The following DNMBP variants were observed in gnomAD, a reference collection of about 807,000 sequenced individuals.
DNMBP encodes the protein dynamin binding protein.
Under a neutral mutation model 150.0 loss-of-function variants are expected in DNMBP, and 87 were observed. The observed-to-expected ratio is 0.58, with a 90% CI of 0.49 to 0.69. The LOEUF (loss-of-function observed/expected upper bound fraction) is 0.69. Ranked by LOEUF, DNMBP falls within the 30% of genes least tolerant of loss-of-function variation. DNMBP has a pLI of 0.00. For synonymous variants in DNMBP, 711 were observed against 750.4 expected (o/e 0.95, Z 0.86); for missense variants, 1,774 against 1,949.0 (o/e 0.91, Z 1.69).
intron 4 of DNMBP, among the ~76,000 whole-genome samples, chr10:99,920,726 G>A (rs896009344): frequency 4.6e-5 from 7 of 152,028 alleles, no homozygotes; most frequent in East Asian, 1.9e-4. Context: ...ACAGAGTCTC[G>A]CTGTTGCCCA....
At chr10:99,915,946 C>T (rs1445263996) in intron 4 of DNMBP, among the ~76,000 whole-genome samples, 3 of 151,992 alleles carry the variant, frequency 2.0e-5, no homozygotes, top group Non-Finnish European at 4.4e-5. Context: ...CTCTTTTTTT[C>T]CCAGGAAGGC....
chr10:99,954,773 G>A (rs1188439161), intron 4 of DNMBP, among the ~76,000 whole-genome samples: 13 of 146,482 alleles, frequency 8.9e-5, no homozygotes, highest in African/African-American at 2.3e-4. Flanking sequence ...AAAAGAGGCC[G>A]GGCGTGGTGG....
intron 4 of DNMBP, among the ~76,000 whole-genome samples, chr10:99,937,208 C>T (rs2040243647): frequency 6.6e-6 from 1 of 152,174 alleles, no homozygotes; most frequent in South Asian, 2.1e-4. Context: ...GTGCACCAGA[C>T]CCAAACGAAC....
At chr10:99,964,017 G>A (rs2040590530) in intron 3 of DNMBP, among the ~76,000 whole-genome samples, 1 of 151,986 alleles carries the variant, frequency 6.6e-6, no homozygotes, top group Admixed American at 6.6e-5. Context: ...GCAGGTTATA[G>A]GCAAGGGATG....
At chr10:99,897,382 A>C (rs2039670891) in intron 9 of DNMBP, among the ~76,000 whole-genome samples, 1 of 152,298 alleles carries the variant, frequency 6.6e-6, no homozygotes, top group South Asian at 2.1e-4. Context: ...TTTCTAAAAG[A>C]CAAGAAGTCC....
intron 5 of DNMBP, among the ~76,000 whole-genome samples, chr10:99,908,486 T>C (rs1307039878): frequency 3.3e-5 from 5 of 152,226 alleles, no homozygotes; most frequent in Admixed American, 3.3e-4. Flanking sequence ...CAACAAGGAC[T>C]ATAAACCCCA....
At chr10:99,973,666 T>C (rs1253249444) in intron 1 of DNMBP, among the ~76,000 whole-genome samples, 1 of 152,200 alleles carries the variant, frequency 6.6e-6, no homozygotes, top group Admixed American at 6.5e-5. Flanking sequence ...AGCAGAACTA[T>C]GCCTCAAAGG....
chr10:99,981,948 C>T (rs1279793115), intron 1 of DNMBP, among the ~76,000 whole-genome samples: 2 of 152,202 alleles, frequency 1.3e-5, no homozygotes, highest in African/African-American at 4.8e-5. Context: ...ATTCCATCCC[C>T]CACCTCTTCA....
Position 99,880,166 on chromosome 10 carries a change from G to A in DNMBP, c.4193C>T (p.Ser1398Phe). The change falls in exon 16 of 17, where the codon TCT (serine) becomes TTT (phenylalanine). Residue 1398 changes from serine (S) to phenylalanine (F), a missense_variant. By Grantham distance (155) the Ser-to-Phe change is radical. This residue lies in a region of DNMBP where 1,430 missense variants were observed against 1,492.5 expected (regional missense o/e 0.96). Transcript: ENST00000324109. ...TGCATCTTGAGGCTGCTTCTGGCAA[G>A]ACCCCGAGGTAAAGGATACAGCCAT... ...SSMAVSFTSG[S>F]CQKQPQDASP... The A allele has an allele frequency of 1.2e-6, 2 of 1,614,174 alleles. No individual in the cohort carries two copies. Among genetic ancestry groups the A allele is most frequent in the Non-Finnish European group, 8.5e-7 (1 of 1,180,038 alleles).
chr10:99,997,528 T>C (rs1029967059), intron 1 of DNMBP, among the ~76,000 whole-genome samples: 1 of 152,082 alleles, frequency 6.6e-6, no homozygotes, highest in Admixed American at 6.5e-5. Context: ...AAAGGGTAAG[T>C]TAACTCACTA....
At chr10:99,904,417 C>G (rs1270094647) in intron 6 of DNMBP, among the ~76,000 whole-genome samples, 2 of 152,114 alleles carry the variant, frequency 1.3e-5, no homozygotes, top group Non-Finnish European at 2.9e-5. Context: ...TCTCCCAGTG[C>G]TGCTTGATCA....
rs1460614852 is a variant in DNMBP, at chr10:99,891,171, T to TCCCTCC, written c.3157-2224_3157-2219dup. Among the ~76,000 whole-genome samples, 129 of 138,626 alleles carry TCCCTCC rather than the reference T, an allele frequency of 9.3e-4. 2 individuals carry two copies. Among genetic ancestry groups the TCCCTCC allele is most frequent in the East Asian group, 1.7e-3 (7 of 4,108 alleles). 90.9% of individuals were successfully genotyped at this position (138,626 alleles called of 152,430 possible). A position where few individuals can be genotyped will look rare whatever the true frequency, so the allele number is the denominator to read the frequency against. On this transcript the variant is annotated intron_variant, in intron 11 of 16. Coordinates refer to ENST00000324109, the MANE Select transcript of DNMBP (RefSeq NM_015221.4). ...AGAACTCCCTCTCCCTCTCCCCCTC[T>TCCCTCC]CCCTCCCCCTCTCCCTCTCCCCACC...
intron 6 of DNMBP, among the ~76,000 whole-genome samples, chr10:99,900,325 G>C (rs2039720532): frequency 1.3e-5 from 2 of 152,234 alleles, no homozygotes; most frequent in Admixed American, 6.5e-5. Flanking sequence ...TGTCACCCAG[G>C]CTGGAGTGCA....
chr10:99,995,206 T>C (rs1207294820), intron 1 of DNMBP, among the ~76,000 whole-genome samples: 1 of 151,948 alleles, frequency 6.6e-6, no homozygotes, highest in East Asian at 1.9e-4. Context: ...ACGTGGGCCA[T>C]CACGCTCAGC....
intron 2 of DNMBP, among the ~76,000 whole-genome samples, chr10:99,971,050 A>T (rs1281180722): frequency 2.7e-5 from 4 of 149,070 alleles, no homozygotes; most frequent in African/African-American, 9.8e-5. Flanking sequence ...ACATGTTTTG[A>T]GAAGAGGAAT....
chr10:99,885,832 A>G lies in DNMBP; in HGVS notation c.3653T>C (p.Ile1218Thr). 3.1e-6 allele frequency: 5 copies of G among 1,613,372 alleles called. No homozygotes were observed. The highest frequency in any genetic ancestry group is 2.2e-5 in the East Asian group (1 of 44,884). ...GCTGTGCTCTTCGTGGAAGATGGCA[A>G]TAAGGTTTCCCTCTCTGCCAGCCAC... ...LKVAGREGNL[I>T]AIFHEEHSRV... Residue 1218 changes from isoleucine (I) to threonine (T), a missense_variant, in exon 14 of 17, where the codon ATT becomes ACT. Ile to Thr is a moderately conservative substitution (Grantham distance 89, BLOSUM62 -1). Coordinates refer to ENST00000324109, the MANE Select transcript of DNMBP (RefSeq NM_015221.4).
chr10:99,942,635 C>T (rs533056187), intron 4 of DNMBP, among the ~76,000 whole-genome samples: 70 of 152,242 alleles, frequency 4.6e-4, no homozygotes, highest in Non-Finnish European at 8.1e-4. Flanking sequence ...GCTGAGAGTG[C>T]GAAAATGTTC....
intron 3 of DNMBP, among the ~76,000 whole-genome samples, chr10:99,964,874 GAA>G (rs757761293): frequency 0.017 from 2,344 of 134,870 alleles, 37 homozygotes; most frequent in African/African-American, 0.044. Context: ...CCAGCCCAAG[GAA>G]AAAAAAAAAA....
intron 4 of DNMBP, chr10:99,930,841 G>C: frequency 1.7e-6 from 1 of 596,424 alleles, no homozygotes; most frequent in Non-Finnish European, 3.0e-6. Flanking sequence ...GTGCAGTCTA[G>C]CCTAAGGCTG....
Sources: allele counts gnomAD v4.1 joint callset (sites outside exome capture counted in the v4.1 genomes callset), GRCh38; gene constraint gnomAD v4.1.1; regional missense constraint gnomAD v4.1.1; transcripts MANE v1.5; gene names NCBI Gene and HGNC (gene_info 2026-07-23, HGNC 2026-07-21).